Variants in DLGAP1 observed in about 807,000 individuals in gnomAD.
DLGAP1 encodes DLG associated protein 1.
DLGAP1 carries 11 observed loss-of-function variants against 90.8 expected under a neutral mutation model. The ratio of observed to expected loss-of-function variants is 0.12; its 90% CI spans 0.08 to 0.20. The LOEUF is 0.20. Ranked by LOEUF, DLGAP1 falls within the 10% of genes least tolerant of loss-of-function variation. The probability of loss-of-function intolerance (pLI) is 1.00; values close to 1 mark genes in which losing one functional copy is unlikely to be tolerated. For missense variants in DLGAP1, 1,050 were observed against 1,333.8 expected, an observed-to-expected ratio of 0.79 and a Z score of 3.31; for synonymous variants, 558 against 540.7, an observed-to-expected ratio of 1.03 and a Z score of -0.44.
chr18:4,133,788 G>A (rs996996081), intron 2 of DLGAP1, among the ~76,000 whole-genome samples: 2 of 152,110 alleles, frequency 1.3e-5, no homozygotes, highest in Non-Finnish European at 2.9e-5. Flanking sequence ...CTTGCAAAAT[G>A]GAATTTTGGA....
intron 1 of DLGAP1, among the ~76,000 whole-genome samples, chr18:4,249,722 G>A (rs530235429): frequency 3.2e-4 from 49 of 152,142 alleles, no homozygotes; most frequent in African/African-American, 1.2e-3. Context: ...CCAGCAGCTG[G>A]GACTATAGGC....
At chr18:4,371,396 A>C (rs2081913090) in intron 1 of DLGAP1, among the ~76,000 whole-genome samples, 2 of 152,226 alleles carry the variant, frequency 1.3e-5, no homozygotes, top group Admixed American at 1.3e-4. Context: ...TTGGTTTTAG[A>C]ACTTGCATTT....
At chr18:3,601,846 G>GGAAAAAAAAAA (rs749002612) in intron 7 of DLGAP1, among the ~76,000 whole-genome samples, 1 of 96,982 alleles carries the variant, frequency 1.0e-5, no homozygotes, top group African/African-American at 4.8e-5. Flanking sequence ...CTCCATCTCG[G>GGAAAAAAAAAA]AAAAAAAAAA....
In DLGAP1 at chr18:4,247,096, AAGG is replaced by A. The variant is rs141797940; in HGVS notation, c.-266-95812_-266-95810del. 5.4e-3 allele frequency among the ~76,000 whole-genome samples: 820 copies of A among 152,210 alleles called. 3 individuals are homozygous for A. Among genetic ancestry groups the A allele is most frequent in the African/African-American group, 0.016 (666 of 41,536 alleles). On this transcript the variant is annotated intron_variant, in intron 1 of 12. Coordinates refer to ENST00000315677, the MANE Select transcript of DLGAP1 (RefSeq NM_004746.4). ...ATAGGACAAGGAGGAGAAGGAAGGG[AAGG>A]AGGAGGAGAAGGATGAGGAAGAGAA...
chr18:4,216,872 T>C (rs1031370624), intron 1 of DLGAP1, among the ~76,000 whole-genome samples: 1 of 152,128 alleles, frequency 6.6e-6, no homozygotes, highest in East Asian at 1.9e-4. Flanking sequence ...GAGCCAATAT[T>C]AATATATTAT....
rs763172967 is a variant in DLGAP1, at chr18:3,534,628, G to C, written c.2058-13C>G. ...GAACCTGCGGAAGCTTGGGAGAATA[G>C]AAAAAAGAAATTTAGTTAGAGGATA... is the stretch of plus-strand genomic sequence containing the variant. On this transcript the variant is annotated splice_polypyrimidine_tract_variant and intron_variant, in intron 9 of 12. Transcript: ENST00000315677. 1.3e-6 allele frequency: 2 copies of C among 1,519,522 alleles called. No homozygotes were observed. The highest frequency in any genetic ancestry group is 1.3e-5 in the South Asian group (1 of 75,784). The allele number at this position is 1,519,522 out of a possible 1,614,324, so 94.1% of individuals were successfully genotyped here.
At chr18:3,523,366 G>A (rs1400303530) in intron 10 of DLGAP1, among the ~76,000 whole-genome samples, 1 of 150,766 alleles carries the variant, frequency 6.6e-6, no homozygotes, top group Non-Finnish European at 1.5e-5. Context: ...AACAGAGCAA[G>A]GCTCCATCTC....
intron 1 of DLGAP1, among the ~76,000 whole-genome samples, chr18:4,186,686 T>C (rs530465484): frequency 6.6e-6 from 1 of 152,272 alleles, no homozygotes; most frequent in Admixed American, 6.5e-5. Flanking sequence ...TAGCCCTGTG[T>C]ACCATTTGAA....
chr18:4,315,495 A>C (rs1292297602), intron 1 of DLGAP1, among the ~76,000 whole-genome samples: 2 of 152,254 alleles, frequency 1.3e-5, no homozygotes, highest in Non-Finnish European at 2.9e-5. Flanking sequence ...TATAACTTTC[A>C]AAACTCTAAA....
At chr18:4,447,394 A>T (rs2083694320) in intron 1 of DLGAP1, among the ~76,000 whole-genome samples, 1 of 152,244 alleles carries the variant, frequency 6.6e-6, no homozygotes, top group African/African-American at 2.4e-5. Flanking sequence ...GAGCATTATT[A>T]CTACTTATAA....
intron 1 of DLGAP1, among the ~76,000 whole-genome samples, chr18:4,416,302 G>A (rs1567905019): frequency 6.6e-6 from 1 of 152,098 alleles, no homozygotes; most frequent in Non-Finnish European, 1.5e-5. Context: ...TTCCATAGAT[G>A]AGCTTATACC....
At position 3,659,394 on chromosome 18, in the gene DLGAP1, T is replaced by TATATAC. The variant is rs1555618610; in HGVS notation, c.1591+69740_1591+69741insGTATAT. 9.4e-3 allele frequency among the ~76,000 whole-genome samples: 960 copies of TATATAC among 102,094 alleles called. 31 individuals carry two copies. Among genetic ancestry groups the TATATAC allele is most frequent in the Admixed American group, 0.027 (239 of 8,732 alleles). The allele number at this position is 102,094 out of a possible 152,430, so 67.0% of individuals were successfully genotyped here. A position where few individuals can be genotyped will look rare whatever the true frequency, so the allele number is the denominator to read the frequency against. On this transcript the variant is annotated intron_variant, in intron 7 of 12. Coordinates refer to ENST00000315677, the MANE Select transcript of DLGAP1 (RefSeq NM_004746.4). The stretch of plus-strand genomic sequence containing the variant: ...GGGTAAGCCGTAACACATACATTTA[T>TATATAC]ACACACACACACACACACACACACA...
At chr18:3,866,512 C>T (rs1172070624) in intron 4 of DLGAP1, among the ~76,000 whole-genome samples, 1 of 152,096 alleles carries the variant, frequency 6.6e-6, no homozygotes, top group Non-Finnish European at 1.5e-5. Flanking sequence ...GATTTGAAAC[C>T]TCCTGTTCTT....
intron 7 of DLGAP1, chr18:3,593,860 A>T (rs1224337626): frequency 1.3e-5 from 2 of 152,190 alleles, no homozygotes; most frequent in African/African-American, 2.4e-5. Flanking sequence ...GGTTTGTTTC[A>T]GAGTCACAAC....
At chr18:4,250,443 G>A (rs2078756988) in intron 1 of DLGAP1, among the ~76,000 whole-genome samples, 1 of 152,184 alleles carries the variant, frequency 6.6e-6, no homozygotes, top group Non-Finnish European at 1.5e-5. Context: ...AGAAAGTCCT[G>A]ATGCCAACAA....
chr18:3,551,158 C>CAT (rs1275015577), intron 9 of DLGAP1, among the ~76,000 whole-genome samples: 338 of 7,838 alleles, frequency 0.043, 10 homozygotes, highest in Middle Eastern at 0.5. Context: ...ATATTATATA[C>CAT]ATATATATAT....
chr18:4,368,103 AC>A (rs987080602), intron 1 of DLGAP1, among the ~76,000 whole-genome samples: 79 of 152,288 alleles, frequency 5.2e-4, no homozygotes, highest in African/African-American at 1.8e-3. Context: ...AGGAAAAAAA[AC>A]AATTTAAATA....
intron 3 of DLGAP1, among the ~76,000 whole-genome samples, chr18:3,906,611 G>A (rs2071913006): frequency 6.6e-6 from 1 of 152,174 alleles, no homozygotes; most frequent in South Asian, 2.1e-4. Flanking sequence ...TATGAGTGCA[G>A]AAAACAAGAG....
chr18:3,964,186 ACT>A (rs1240879279), intron 3 of DLGAP1, among the ~76,000 whole-genome samples: 1 of 152,072 alleles, frequency 6.6e-6, no homozygotes, highest in African/African-American at 2.4e-5. Context: ...GATAATTTAC[ACT>A]CTTTAAAAAA....
Sources: allele counts gnomAD v4.1 joint callset (sites outside exome capture counted in the v4.1 genomes callset), GRCh38; gene constraint gnomAD v4.1.1; transcripts MANE v1.5; gene names NCBI Gene and HGNC (gene_info 2026-07-23, HGNC 2026-07-21).